Variants in DACH2 observed in about 807,000 individuals in gnomAD.
The protein encoded by DACH2 is dachshund family transcription factor 2, also known as dachshund homolog 2.
A neutral mutation model predicts 35.8 loss-of-function variants in DACH2; 17 were observed. That is an observed-to-expected ratio of 0.48 (90% CI 0.33 to 0.71). The LOEUF (loss-of-function observed/expected upper bound fraction) is 0.71, where lower values mean the gene tolerates loss of function less well. DACH2 is among the 30% of genes least tolerant of loss of function. DACH2 has a pLI of 0.02. For synonymous variants in DACH2, 195 were observed against 177.3 expected (o/e 1.10, Z -0.79); for missense variants, 469 against 472.7 (o/e 0.99, Z 0.07).
chrX:86,327,528 G>A (rs2035137699), intron 1 of DACH2, among the ~76,000 whole-genome samples: 1 of 111,867 alleles, frequency 8.9e-6, no homozygotes, highest in Non-Finnish European at 1.9e-5. Flanking sequence ...GGTGTCAAGG[G>A]TGGATTATTT....
intron 3 of DACH2, among the ~76,000 whole-genome samples, chrX:86,624,296 G>A (rs989045471): frequency 1.4e-4 from 16 of 111,027 alleles, no homozygotes; most frequent in African/African-American, 4.9e-4. Flanking sequence ...CTATGCTTCC[G>A]ATTCAATTGC....
At chrX:86,399,487 T>A (rs1280916735) in intron 2 of DACH2, among the ~76,000 whole-genome samples, 1 of 112,069 alleles carries the variant, frequency 8.9e-6, no homozygotes, top group African/African-American at 3.3e-5. Flanking sequence ...TGATGGTCTT[T>A]ACAATTTGGC....
rs868816833 is a variant in DACH2 at position 86,290,825 on chromosome X, G to A, written c.489-85999G>A. Among the ~76,000 whole-genome samples, 548 of 100,615 alleles carry A rather than the reference G, an allele frequency of 5.4e-3. 4 individuals are homozygous for A. The highest frequency in any genetic ancestry group is 0.01 in the Middle Eastern group (2 of 200). The allele number at this position is 100,615 out of a possible 115,157, so 87.4% of individuals were successfully genotyped here. On this transcript the variant is annotated intron_variant, in intron 1 of 11. Coordinates refer to ENST00000373125, the MANE Select transcript of DACH2 (RefSeq NM_053281.3). ...GTACCATGCTGTTTTGGTTACTGTA[G>A]CCTTGTAGTATAGTTTGAAGTCAGG...
intron 2 of DACH2, among the ~76,000 whole-genome samples, chrX:86,396,224 T>C (rs2036288186): frequency 9.1e-6 from 1 of 109,594 alleles, no homozygotes; most frequent in African/African-American, 3.3e-5. Flanking sequence ...CGCCCGCTTT[T>C]TGATGGGGTT....
chrX:86,629,473 T>G (rs2040174137), intron 3 of DACH2, among the ~76,000 whole-genome samples: 1 of 111,709 alleles, frequency 9.0e-6, no homozygotes, highest in African/African-American at 3.3e-5. Context: ...GTATTAATAA[T>G]TCTTATGGCT....
rs368451379 is a variant in DACH2 at position 86,285,347 on chromosome X, G to A, written c.489-91477G>A. On this transcript the variant is annotated intron_variant, in intron 1 of 11. Transcript: ENST00000373125. ...CTTTTCTCTTAGTACTGCTATTACT[G>A]TATTCCATCAATTTTTGTATGTTGT... Among the ~76,000 whole-genome samples, 54 of 111,381 alleles carry A rather than the reference G, an allele frequency of 4.8e-4. 1 individual carries two copies. The East Asian group carries it at 5.9e-3, about 12-fold the overall frequency.
intron 3 of DACH2, among the ~76,000 whole-genome samples, chrX:86,639,428 C>T (rs922134731): frequency 9.0e-6 from 1 of 111,627 alleles, no homozygotes. Context: ...AGCAGCTGCT[C>T]AGGCATGTGT....
chrX:86,365,231 T>A lies in DACH2; in HGVS notation c.489-11593T>A, dbSNP rs756386261. On this transcript the variant is annotated intron_variant, in intron 1 of 11. Transcript: ENST00000373125. ...GTTCAATTTTGCTAAAACATTAAAG[T>A]TGATACCTAATATAGAAGACAGTGT... 3.6e-5 allele frequency among the ~76,000 whole-genome samples: 4 copies of A among 111,001 alleles called. No individual in the cohort carries two copies. The East Asian group carries it at 8.6e-4, about 24-fold the overall frequency.
At position 86,537,920 on chromosome X, in the gene DACH2, A is replaced by C. The variant is rs927483753; in HGVS notation, c.640+23529A>C. ...TGTGAAATTCCTTCTCCTGGCTCAG[A>C]AGCTCCCCTACTGAGCACCTTGTGA... On this transcript the variant is annotated intron_variant, in intron 3 of 11. Transcript: ENST00000373125. Among the ~76,000 whole-genome samples the C allele has an allele frequency of 1.8e-5, 2 of 110,961 alleles. 1 individual carries two copies. The highest frequency in any genetic ancestry group is 1.9e-4 in the Admixed American group (2 of 10,383).
chrX:86,406,693 T>A (rs1303758586), intron 2 of DACH2, among the ~76,000 whole-genome samples: 3 of 111,995 alleles, frequency 2.7e-5, no homozygotes, highest in Non-Finnish European at 5.6e-5. Flanking sequence ...GAATGACTGA[T>A]CCCTACAGCA....
At chrX:86,580,141 C>T (rs980103771) in intron 3 of DACH2, among the ~76,000 whole-genome samples, 12 of 111,686 alleles carry the variant, frequency 1.1e-4, no homozygotes, top group Non-Finnish European at 2.3e-4. Flanking sequence ...CTAAAATCTT[C>T]CAGAAATGAA....
chrX:86,417,721 C>A (rs1409740762), intron 2 of DACH2, among the ~76,000 whole-genome samples: 1 of 111,119 alleles, frequency 9.0e-6, no homozygotes, highest in Non-Finnish European at 1.9e-5. Flanking sequence ...AATTCCACAC[C>A]TGGTCCCTCC....
intron 5 of DACH2, 136 bp from the exon 6 acceptor site, chrX:86,714,412 T>C: frequency 7.5e-6 from 3 of 397,993 alleles, no homozygotes; most frequent in Admixed American, 4.7e-5. Flanking sequence ...ACAGGTACTA[T>C]TAATGGCACA....
At chrX:86,752,934 A>G (rs1044383290) in intron 7 of DACH2, among the ~76,000 whole-genome samples, 3 of 111,314 alleles carry the variant, frequency 2.7e-5, no homozygotes, top group African/African-American at 9.8e-5. Flanking sequence ...AAATATGACT[A>G]AGAGATTATT....
At position 86,442,900 on chromosome X, in the gene DACH2, T is replaced by A. The variant is rs149908473; in HGVS notation, c.527+66038T>A. Among the ~76,000 whole-genome samples, 521 of 111,696 alleles carry A rather than the reference T, an allele frequency of 4.7e-3. 2 individuals are homozygous for A. The highest frequency in any genetic ancestry group is 0.016 in the African/African-American group (499 of 30,765). Reference sequence around the variant, plus strand: ...TTATGTCTGGGCATGCATGGATTTATTTTTGGGCTATCTTTTCTGTCCCAT... The same window carrying A: ...TTATGTCTGGGCATGCATGGATTTAATTTTGGGCTATCTTTTCTGTCCCAT... On this transcript the variant is annotated intron_variant, in intron 2 of 11. Transcript: ENST00000373125.
intron 1 of DACH2, among the ~76,000 whole-genome samples, chrX:86,350,155 G>A (rs182033734): frequency 0.064 from 7,070 of 110,542 alleles, 278 homozygotes; most frequent in South Asian, 0.23. Context: ...GCTACAGAGC[G>A]AGACACTGTC....
At chrX:86,359,445 G>A (rs1434987071) in intron 1 of DACH2, among the ~76,000 whole-genome samples, 1 of 111,214 alleles carries the variant, frequency 9.0e-6, no homozygotes, top group Non-Finnish European at 1.9e-5. Context: ...AGCTTGTATA[G>A]TCACATAGAA....
At chrX:86,462,708 A>G (rs1175660423) in intron 2 of DACH2, among the ~76,000 whole-genome samples, 1 of 111,653 alleles carries the variant, frequency 9.0e-6, no homozygotes, top group Non-Finnish European at 1.9e-5. Context: ...TAATGGTACA[A>G]CAAAACCATG....
chrX:86,725,039 A>C (rs1465902129), intron 6 of DACH2, among the ~76,000 whole-genome samples: 1 of 109,252 alleles, frequency 9.2e-6, no homozygotes, highest in African/African-American at 3.3e-5. Flanking sequence ...TTAAAAAAAA[A>C]AAACAATATC....
Sources: allele counts gnomAD v4.1 joint callset (sites outside exome capture counted in the v4.1 genomes callset), GRCh38; gene constraint gnomAD v4.1.1; transcripts MANE v1.5; gene names NCBI Gene and HGNC (gene_info 2026-07-23, HGNC 2026-07-21).